TEAD4: variants seen among roughly 807,000 people sequenced by gnomAD.
TEAD4 encodes the protein transcriptional enhancer factor TEF-3.
A neutral mutation model predicts 52.4 loss-of-function variants in TEAD4; 36 were observed. The ratio of observed to expected loss-of-function variants is 0.69; its 90% CI spans 0.53 to 0.91. The LOEUF is 0.91. Ranked by LOEUF, TEAD4 falls within the 40% of genes least tolerant of loss-of-function variation. The probability of loss-of-function intolerance (pLI) is 0.00; values close to 1 mark genes in which losing one functional copy is unlikely to be tolerated. For synonymous variants in TEAD4, 220 were observed against 231.0 expected, an observed-to-expected ratio of 0.95 and a Z score of 0.43; for missense variants, 508 against 583.9, an observed-to-expected ratio of 0.87 and a Z score of 1.34.
chr12:2,989,299 A>G (rs987614487), intron 2 of TEAD4, among the ~76,000 whole-genome samples: 2 of 152,182 alleles, frequency 1.3e-5, no homozygotes, highest in African/African-American at 4.8e-5. Context: ...TTGTCTAAAA[A>G]TGCCTCTATT....
chr12:3,024,261 A>G lies in TEAD4; in HGVS notation c.897+2244A>G, dbSNP rs540772664. 3.9e-5 allele frequency among the ~76,000 whole-genome samples: 6 copies of G among 152,052 alleles called. No individual in the cohort carries two copies. In the East Asian group the frequency reaches 1.2e-3, roughly 30 times the overall value. ...GGCTAATTTTTTGTATTTTTTTAGT[A>G]GAGACGGGGTTTCACCGTGTTAGCC... On this transcript the variant is annotated intron_variant, in intron 10 of 12. Coordinates refer to ENST00000359864, the MANE Select transcript of TEAD4 (RefSeq NM_003213.4).
At chr12:3,003,170 A>G (rs190992028) in intron 3 of TEAD4, among the ~76,000 whole-genome samples, 47 of 152,300 alleles carry the variant, frequency 3.1e-4, no homozygotes, top group Admixed American at 9.8e-4. Context: ...AGAGGCCTAC[A>G]GTGAACCAAA....
At chr12:3,008,687 C>CTCAT (rs1299901119) in intron 3 of TEAD4, among the ~76,000 whole-genome samples, 2 of 152,124 alleles carry the variant, frequency 1.3e-5, no homozygotes, top group Non-Finnish European at 2.9e-5. Context: ...CCACACCAGA[C>CTCAT]TCATTCATTC....
At chr12:3,005,175 C>T (rs1249707733) in intron 3 of TEAD4, among the ~76,000 whole-genome samples, 3 of 152,250 alleles carry the variant, frequency 2.0e-5, no homozygotes, top group African/African-American at 7.2e-5. Context: ...GTGGTGCTCA[C>T]AGCAGCAGAG....
chr12:3,015,022 C>T (rs2098263324), intron 5 of TEAD4, among the ~76,000 whole-genome samples: 1 of 152,312 alleles, frequency 6.6e-6, no homozygotes, highest in East Asian at 1.9e-4. Flanking sequence ...GGAGGAGACA[C>T]ACACTTAGAC....
chr12:3,018,615 C>T (rs2098266340), intron 7 of TEAD4, 27 bp downstream of exon 7: 5 of 1,612,850 alleles, frequency 3.1e-6, no homozygotes, highest in Non-Finnish European at 3.4e-6. Context: ...GTTTCTCTTG[C>T]CAGTTGCTCC....
intron 2 of TEAD4, among the ~76,000 whole-genome samples, chr12:2,986,200 C>G (rs560335953): frequency 2.8e-4 from 43 of 152,326 alleles, no homozygotes; most frequent in African/African-American, 1.0e-3. Flanking sequence ...TCCTGCCCCA[C>G]TGGAAAGCGT....
rs761510460 is a variant in TEAD4 at position 3,040,510 on chromosome 12, C to T, written c.*32C>T. Reference sequence around the variant, plus strand: ...CGGGGAGCAGGGAGGGGGGAAGAGACGTGTGTGCAGGAAACGGGGACGTGG... The same window carrying T: ...CGGGGAGCAGGGAGGGGGGAAGAGATGTGTGTGCAGGAAACGGGGACGTGG... On this transcript the variant is annotated 3_prime_UTR_variant, in exon 13 of 13. Transcript: ENST00000359864. 17 of 1,596,770 alleles carry T rather than the reference C, an allele frequency of 1.1e-5. No homozygotes were observed. The highest frequency in any genetic ancestry group is 4.4e-5 in the South Asian group (4 of 90,366).
intron 6 of TEAD4, 35 bp downstream of exon 6, chr12:3,017,561 G>C: frequency 6.3e-7 from 1 of 1,592,950 alleles, no homozygotes; most frequent in Non-Finnish European, 8.5e-7. Context: ...GGCCAGGCCA[G>C]CCCTCTCCTC....
At chr12:2,960,944 A>T (rs529972913) in intron 2 of TEAD4, among the ~76,000 whole-genome samples, 1 of 152,234 alleles carries the variant, frequency 6.6e-6, no homozygotes, top group South Asian at 2.1e-4. Flanking sequence ...CAGAGCTGGA[A>T]GGAAGCTGGC....
chr12:3,037,909 G>T, intron 10 of TEAD4, 59 bp from the exon 11 acceptor site: 3 of 1,570,100 alleles, frequency 1.9e-6, no homozygotes, highest in Non-Finnish European at 2.6e-6. Context: ...TCTCCTTGAT[G>T]CTCCCGTCTG....
rs1288434222 is a variant in TEAD4 at position 2,978,397 on chromosome 12, G to GT, written c.-29-16332dup. 1.9e-3 allele frequency among the ~76,000 whole-genome samples: 272 copies of GT among 144,186 alleles called. 2 individuals are homozygous for GT. Among genetic ancestry groups the GT allele is most frequent in the Middle Eastern group, 7.1e-3 (2 of 282 alleles). The allele number at this position is 144,186 out of a possible 152,430, so 94.6% of individuals were successfully genotyped here. On this transcript the variant is annotated intron_variant, in intron 2 of 12. Coordinates refer to ENST00000359864, the MANE Select transcript of TEAD4 (RefSeq NM_003213.4). ...GCCTGTTTTTTTTTTTTGTCTTTTT[G>GT]TTTTTTTTTGTTTTGTTTTGTTTTG... is the stretch of plus-strand genomic sequence containing the variant.
chr12:2,960,274 C>T, intron 2 of TEAD4: 1 of 985,424 alleles, frequency 1.0e-6, no homozygotes, highest in Non-Finnish European at 1.2e-6. Flanking sequence ...GAACCGAGAG[C>T]ATCGGCAACA....
intron 11 of TEAD4, 98 bp from the exon 12 acceptor site, chr12:3,040,009 G>C: frequency 6.6e-7 from 1 of 1,517,408 alleles, no homozygotes; most frequent in Non-Finnish European, 8.9e-7. Flanking sequence ...TTTCTTAAGG[G>C]CCCCCAGGCT....
chr12:2,989,194 G>A (rs188567889), intron 2 of TEAD4, among the ~76,000 whole-genome samples: 2 of 152,096 alleles, frequency 1.3e-5, no homozygotes, highest in Non-Finnish European at 2.9e-5. Context: ...CCTGCCTCTC[G>A]GCCTCCCAAA....
intron 10 of TEAD4, among the ~76,000 whole-genome samples, chr12:3,033,940 A>G (rs1236787199): frequency 6.8e-6 from 1 of 147,690 alleles, no homozygotes; most frequent in African/African-American, 2.7e-5. Flanking sequence ...ACTGAGGACG[A>G]GTCGAGGTGC....
At chr12:3,024,141 C>A (rs2098270548) in intron 10 of TEAD4, among the ~76,000 whole-genome samples, 1 of 151,636 alleles carries the variant, frequency 6.6e-6, no homozygotes, top group Non-Finnish European at 1.5e-5. Flanking sequence ...GTGGCGTGAT[C>A]TTGGCTCACT....
intron 3 of TEAD4, among the ~76,000 whole-genome samples, chr12:3,009,895 G>A (rs2098258907): frequency 6.6e-6 from 1 of 152,232 alleles, no homozygotes; most frequent in South Asian, 2.1e-4. Flanking sequence ...GTCAGCTGGG[G>A]GGTCAGCTTG....
At chr12:2,962,333 A>AAATATATATATATAAATATAT in intron 2 of TEAD4, among the ~76,000 whole-genome samples, 1 of 38,054 alleles carries the variant, frequency 2.6e-5, no homozygotes, top group South Asian at 1.1e-3. Flanking sequence ...TATAAATATA[A>AAATATATATATATAAATATAT]ATATATATAT....
Sources: allele counts gnomAD v4.1 joint callset (sites outside exome capture counted in the v4.1 genomes callset), GRCh38; gene constraint gnomAD v4.1.1; transcripts MANE v1.5; gene names NCBI Gene and HGNC (gene_info 2026-07-23, HGNC 2026-07-21).